SV2C: variants seen among roughly 807,000 people sequenced by gnomAD.
SV2C encodes synaptic vesicle glycoprotein 2C, also known as solute carrier family 22 member B3.
SV2C carries 49 observed loss-of-function variants against 79.7 expected under a neutral mutation model. The ratio of observed to expected loss-of-function variants is 0.61; its 90% confidence interval spans 0.49 to 0.78. The LOEUF (loss-of-function observed/expected upper bound fraction) is 0.78, where lower values mean the gene tolerates loss of function less well. SV2C is among the 30% of genes least tolerant of loss of function. The pLI is 0.00. For missense variants in SV2C, 833 were observed against 912.9 expected (o/e 0.91, Z 1.13); for synonymous variants, 334 against 333.2 (o/e 1.00, Z -0.03).
intron 4 of SV2C, among the ~76,000 whole-genome samples, chr5:76,260,631 G>A (rs2112456295): frequency 1.3e-5 from 2 of 152,280 alleles, no homozygotes; most frequent in Middle Eastern, 3.4e-3. Context: ...AAGATGTAAG[G>A]AAGGTGTCCA....
At chr5:76,285,898 A>G (rs1161343230) in intron 6 of SV2C, 28 bp downstream of exon 6, 3 of 1,584,234 alleles carry the variant, frequency 1.9e-6, no homozygotes, top group East Asian at 4.5e-5. Flanking sequence ...AGAATCCTCA[A>G]CACCAGGGAT....
intron 12 of SV2C, among the ~76,000 whole-genome samples, chr5:76,317,728 G>A (rs1748679067): frequency 6.6e-6 from 1 of 152,154 alleles, no homozygotes. Context: ...TACTCGAGAG[G>A]CTGAGGAGGA....
At chr5:75,941,378 T>G in the SV2C span, among the ~76,000 whole-genome samples, 1 of 152,226 alleles carries the variant, frequency 6.6e-6, no homozygotes, top group African/African-American at 2.4e-5. Flanking sequence ...TTAAACATCT[T>G]CTATAGCCAA....
At chr5:76,179,283 G>C (rs1743644081) in intron 2 of SV2C, among the ~76,000 whole-genome samples, 1 of 152,206 alleles carries the variant, frequency 6.6e-6, no homozygotes, top group Non-Finnish European at 1.5e-5. Flanking sequence ...AACGAATGCA[G>C]TGTGCTTAGG....
intron 4 of SV2C, among the ~76,000 whole-genome samples, chr5:76,253,669 A>G (rs1394494971): frequency 3.3e-5 from 5 of 149,958 alleles, no homozygotes; most frequent in Non-Finnish European, 5.9e-5. Context: ...CGTTTCTGGG[A>G]CAGTTCTATT....
chr5:76,152,617 G>T lies in SV2C; in HGVS notation c.580+20287G>T, dbSNP rs549662672. Among the ~76,000 whole-genome samples the T allele has an allele frequency of 3.9e-5, 6 of 152,294 alleles. No individual in the cohort carries two copies. The East Asian group carries it at 1.2e-3, about 29-fold the overall frequency. On this transcript the variant is annotated intron_variant, in intron 2 of 12. Transcript: ENST00000502798. ...GATAGTCAAATAGCAATTATAATGT[G>T]GTACAGAATTGCCCAGGGCAGAGGT... is the stretch of plus-strand genomic sequence containing the variant.
At chr5:76,011,450 T>C in the SV2C span, among the ~76,000 whole-genome samples, 2 of 152,148 alleles carry the variant, frequency 1.3e-5, no homozygotes, top group Non-Finnish European at 2.9e-5. Context: ...GAACTATTTA[T>C]CTCTGAACTC....
At chr5:76,191,089 T>TA (rs199543821) in intron 2 of SV2C, among the ~76,000 whole-genome samples, 10 of 151,430 alleles carry the variant, frequency 6.6e-5, no homozygotes, top group South Asian at 2.1e-4. Flanking sequence ...GAAGCGTGGC[T>TA]GGGGAGGCCT....
At chr5:76,095,792 T>C (rs563923931) in intron 1 of SV2C, among the ~76,000 whole-genome samples, 1 of 152,218 alleles carries the variant, frequency 6.6e-6, no homozygotes, top group Non-Finnish European at 1.5e-5. Flanking sequence ...TTTAGTTAAT[T>C]TGAAAAATAA....
intron 12 of SV2C, among the ~76,000 whole-genome samples, chr5:76,323,037 G>A (rs577050122): frequency 6.6e-6 from 1 of 152,246 alleles, no homozygotes; most frequent in African/African-American, 2.4e-5. Flanking sequence ...TTCACAAATG[G>A]GATGTAATTA....
At chr5:76,192,040 G>A (rs570104596) in intron 2 of SV2C, among the ~76,000 whole-genome samples, 1 of 152,108 alleles carries the variant, frequency 6.6e-6, no homozygotes, top group African/African-American at 2.4e-5. Context: ...TCATCTAGCA[G>A]GTCTTGCCTG....
rs112575238 is a variant in SV2C, at chr5:76,318,349, C to T, written c.2001-7015C>T. On this transcript the variant is annotated intron_variant, in intron 12 of 12. Transcript: ENST00000502798. The stretch of plus-strand genomic sequence containing the variant: ...AAGAGAATCATTTGAACCTGGGAGG[C>T]GGAGGTTGCAGTGAGCCGAGATCGT... 5.9e-5 allele frequency among the ~76,000 whole-genome samples: 9 copies of T among 151,496 alleles called. No homozygotes were observed. In the East Asian group the frequency reaches 9.8e-4, roughly 16 times the overall value.
At chr5:75,889,473 G>A in the SV2C span, among the ~76,000 whole-genome samples, 2 of 152,058 alleles carry the variant, frequency 1.3e-5, no homozygotes, top group Non-Finnish European at 2.9e-5. Flanking sequence ...GTGTATATGT[G>A]ACACATTTTC....
At chr5:76,085,111 A>G (rs1747139536) in intron 1 of SV2C, among the ~76,000 whole-genome samples, 1 of 152,184 alleles carries the variant, frequency 6.6e-6, no homozygotes, top group Non-Finnish European at 1.5e-5. Flanking sequence ...TTAATTCTGA[A>G]GAATGTGGCA....
the SV2C span, among the ~76,000 whole-genome samples, chr5:75,941,455 C>T: frequency 6.6e-6 from 1 of 152,082 alleles, no homozygotes; most frequent in Non-Finnish European, 1.5e-5. Flanking sequence ...AGATAGCCAC[C>T]AGGTATTTGA....
At chr5:76,285,672 T>C in intron 5 of SV2C, 109 bp from the exon 6 acceptor site, 2 of 855,468 alleles carry the variant, frequency 2.3e-6, no homozygotes, top group Admixed American at 2.3e-5. Context: ...CTGAGATACA[T>C]TTGCACAATT....
At chr5:76,245,925 TGTG>T in intron 4 of SV2C, among the ~76,000 whole-genome samples, 1 of 147,876 alleles carries the variant, frequency 6.8e-6, no homozygotes, top group Non-Finnish European at 1.5e-5. Context: ...TGTGTGTGTG[TGTG>T]TGTGTGTATG....
intron 4 of SV2C, among the ~76,000 whole-genome samples, chr5:76,267,359 T>C (rs1746696077): frequency 6.6e-6 from 1 of 152,172 alleles, no homozygotes; most frequent in Non-Finnish European, 1.5e-5. Flanking sequence ...TTCAGGAGGC[T>C]GCCTGAAAAG....
intron 4 of SV2C, among the ~76,000 whole-genome samples, chr5:76,245,963 T>TGTGTGTGTGTGTGTG: frequency 6.6e-6 from 1 of 150,848 alleles, no homozygotes; most frequent in African/African-American, 2.4e-5. Context: ...TGTGTGTGTG[T>TGTGTGTGTGTGTGTG]TAAAGGGTAT....
Sources: gnomAD v4.1 joint callset for allele counts (sites outside exome capture counted in the v4.1 genomes callset) on GRCh38, gnomAD v4.1.1 for gene constraint, MANE v1.5 for transcripts, NCBI Gene and HGNC (gene_info 2026-07-23, HGNC 2026-07-21) for gene names.